RBFOX1: variants seen among roughly 807,000 people sequenced by gnomAD.
RBFOX1 encodes RNA binding fox-1 homolog 1.
Under a neutral mutation model 57.7 loss-of-function variants are expected in RBFOX1, and 8 were observed. The observed-to-expected ratio is 0.14, with a 90% CI of 0.08 to 0.25. RBFOX1 has a LOEUF of 0.25. Ranked by LOEUF, RBFOX1 falls within the 10% of genes least tolerant of loss-of-function variation. The pLI is 1.00. For synonymous variants in RBFOX1, 326 were observed against 222.4 expected, an observed-to-expected ratio of 1.47 and a Z score of -4.15; for missense variants, 611 against 548.5, an observed-to-expected ratio of 1.11 and a Z score of -1.14.
rs1567355465 is a variant in RBFOX1 at position 6,060,122 on chromosome 16, G to GTTTTTTGTTTTTTTTTTTTTTTTTTTTTT, written c.-127+40136_-127+40137insGTTTTTTTTTTTTTTTTTTTTTTTTTTTT. Among the ~76,000 whole-genome samples the GTTTTTTGTTTTTTTTTTTTTTTTTTTTTT allele has an allele frequency of 7.9e-5, 9 of 114,208 alleles. 1 individual carries two copies. Among genetic ancestry groups the GTTTTTTGTTTTTTTTTTTTTTTTTTTTTT allele is most frequent in the South Asian group, 6.0e-4 (2 of 3,340 alleles). 74.9% of individuals were successfully genotyped at this position (114,208 alleles called of 152,430 possible). A position where few individuals can be genotyped will look rare whatever the true frequency, so the allele number is the denominator to read the frequency against. ...ATTTGGCCCTAAAATTAGGATTAGG[G>GTTTTTTGTTTTTTTTTTTTTTTTTTTTTT]TTTTTTTTTTTTTTTTTTTTTTTTT... On this transcript the variant is annotated intron_variant, in intron 1 of 15. Coordinates refer to ENST00000550418, the MANE Select transcript of RBFOX1 (RefSeq NM_018723.4).
chr16:7,459,358 C>T (rs751990300), intron 4 of RBFOX1, among the ~76,000 whole-genome samples: 1 of 152,156 alleles, frequency 6.6e-6, no homozygotes, highest in Non-Finnish European at 1.5e-5. Flanking sequence ...TTACCTTGCA[C>T]TTGCCATTTT....
At chr16:6,460,826 C>G (rs56384661) in intron 2 of RBFOX1, among the ~76,000 whole-genome samples, 22,996 of 91,962 alleles carry the variant, frequency 0.25, 2,318 homozygotes, top group East Asian at 0.57. Context: ...ATTCAGAATA[C>G]CAAAAAAAAA....
intron 4 of RBFOX1, among the ~76,000 whole-genome samples, chr16:5,908,287 T>C (rs1282536696): frequency 9.1e-5 from 13 of 142,130 alleles, no homozygotes; most frequent in East Asian, 4.2e-4. Context: ...TACATATATA[T>C]ACACATATAT....
At chr16:6,732,179 G>T (rs1011716590) in intron 3 of RBFOX1, among the ~76,000 whole-genome samples, 1 of 152,106 alleles carries the variant, frequency 6.6e-6, no homozygotes, top group Non-Finnish European at 1.5e-5. Context: ...TCTTTCCAAA[G>T]ATTGACTTTC....
intron 3 of RBFOX1, among the ~76,000 whole-genome samples, chr16:6,785,134 T>C (rs537308139): frequency 2.0e-5 from 3 of 151,940 alleles, no homozygotes; most frequent in Middle Eastern, 3.4e-3. Flanking sequence ...TTATTAAATA[T>C]AGTGTTATAT....
intron 3 of RBFOX1, among the ~76,000 whole-genome samples, chr16:6,762,376 C>T (rs368467014): frequency 1.8e-4 from 27 of 151,944 alleles, no homozygotes; most frequent in African/African-American, 6.0e-4. Context: ...CTTACTAGTG[C>T]ACTTAGAAGG....
chr16:5,854,899 A>G (rs1282020333), intron 3 of RBFOX1, among the ~76,000 whole-genome samples: 2 of 152,026 alleles, frequency 1.3e-5, no homozygotes, highest in African/African-American at 4.8e-5. Flanking sequence ...CTATCTTTTG[A>G]CTTTTTGGTA....
chr16:6,125,735 G>A (rs1474876005), intron 1 of RBFOX1, among the ~76,000 whole-genome samples: 1 of 152,114 alleles, frequency 6.6e-6, no homozygotes, highest in Non-Finnish European at 1.5e-5. Flanking sequence ...GCAGGAAATA[G>A]AGTAATGCAA....
intron 9 of RBFOX1, among the ~76,000 whole-genome samples, chr16:7,602,527 A>T (rs937834687): frequency 7.9e-5 from 12 of 152,186 alleles, no homozygotes; most frequent in African/African-American, 2.9e-4. Context: ...CTAAGAAATT[A>T]AAAAGGGGAT....
chr16:7,273,147 C>G (rs1489418824), intron 4 of RBFOX1, among the ~76,000 whole-genome samples: 1 of 123,634 alleles, frequency 8.1e-6, no homozygotes, highest in African/African-American at 3.3e-5. Flanking sequence ...CTGCTTCCTT[C>G]TTTCTCCTTC....
At chr16:5,422,953 AAAG>A (rs1315016302) in intron 1 of RBFOX1, among the ~76,000 whole-genome samples, 2 of 92,112 alleles carry the variant, frequency 2.2e-5, no homozygotes, top group African/African-American at 4.3e-5. Flanking sequence ...AAGGGGGAGG[AAAG>A]AGGAGGAGGA....
chr16:6,031,441 C>T (rs1279306783), intron 1 of RBFOX1, among the ~76,000 whole-genome samples: 2 of 152,176 alleles, frequency 1.3e-5, no homozygotes, highest in Admixed American at 6.5e-5. Flanking sequence ...TAACTAGTAC[C>T]ATCCTTTATA....
intron 2 of RBFOX1, among the ~76,000 whole-genome samples, chr16:6,413,239 A>T (rs1180973102): frequency 6.6e-6 from 1 of 151,268 alleles, no homozygotes; most frequent in Non-Finnish European, 1.5e-5. Context: ...AGATCACTTG[A>T]ACCCGGAAGG....
chr16:6,308,076 A>G (rs753501120), intron 1 of RBFOX1, among the ~76,000 whole-genome samples: 8 of 151,168 alleles, frequency 5.3e-5, no homozygotes, highest in Non-Finnish European at 7.4e-5. Flanking sequence ...TTTTATAATC[A>G]TTTATTCATT....
intron 1 of RBFOX1, among the ~76,000 whole-genome samples, chr16:5,311,021 C>G (rs942680149): frequency 7.2e-5 from 11 of 152,140 alleles, no homozygotes; most frequent in Admixed American, 6.5e-4. Flanking sequence ...TCTTCATTGT[C>G]TGTGATACCA....
intron 3 of RBFOX1, among the ~76,000 whole-genome samples, chr16:7,007,937 G>C (rs1323929665): frequency 6.6e-6 from 1 of 152,154 alleles, no homozygotes; most frequent in Non-Finnish European, 1.5e-5. Flanking sequence ...TAGTACAACA[G>C]GTGCCGTGAG....
chr16:5,856,634 C>G (rs978633356), intron 3 of RBFOX1, among the ~76,000 whole-genome samples: 2 of 127,232 alleles, frequency 1.6e-5, no homozygotes, highest in Admixed American at 8.7e-5. Context: ...GGATAACTTG[C>G]TGGAGCTTTA....
chr16:7,335,651 C>T (rs942654549), intron 4 of RBFOX1, among the ~76,000 whole-genome samples: 41 of 149,788 alleles, frequency 2.7e-4, no homozygotes, highest in Non-Finnish European at 4.3e-4. Flanking sequence ...GACTTTAAGA[C>T]GGCATCCACC....
At chr16:6,459,871 C>T (rs2094870301) in intron 2 of RBFOX1, among the ~76,000 whole-genome samples, 1 of 151,374 alleles carries the variant, frequency 6.6e-6, no homozygotes. Flanking sequence ...GTAATCCCAG[C>T]TACTTGGGAG....
Sources: gnomAD v4.1 joint callset for allele counts (sites outside exome capture counted in the v4.1 genomes callset) on GRCh38, gnomAD v4.1.1 for gene constraint, MANE v1.5 for transcripts, NCBI Gene and HGNC (gene_info 2026-07-23, HGNC 2026-07-21) for gene names.